Variants in CD320 observed in about 807,000 individuals in gnomAD.
The protein encoded by CD320 is CD320 molecule.
CD320 carries 16 observed loss-of-function variants against 22.1 expected under a neutral mutation model. The ratio of observed to expected loss-of-function variants is 0.73; its 90% CI spans 0.49 to 1.10. The LOEUF is 1.10. Among genes scored for constraint, CD320 ranks in the 50% least tolerant of loss-of-function variants. CD320 has a pLI of 0.00. For synonymous variants in CD320, 188 were observed against 167.8 expected (o/e 1.12, Z -0.93); for missense variants, 388 against 376.9 (o/e 1.03, Z -0.24).
chr19:8,307,613 G>A (rs887214488), intron 1 of CD320, among the ~76,000 whole-genome samples: 2 of 152,150 alleles, frequency 1.3e-5, no homozygotes, highest in African/African-American at 4.8e-5. Flanking sequence ...TATTCAACTT[G>A]TGACCCCAGT....
At chr19:8,303,515 C>G (rs373416437) in intron 3 of CD320, among the ~76,000 whole-genome samples, 1 of 152,030 alleles carries the variant, frequency 6.6e-6, no homozygotes, top group African/African-American at 2.4e-5. Flanking sequence ...CAGGTTCAAG[C>G]GGTTCTCCTG....
intron 2 of CD320, among the ~76,000 whole-genome samples, chr19:8,304,356 C>T (rs973749257): frequency 6.6e-6 from 1 of 152,098 alleles, no homozygotes; most frequent in Non-Finnish European, 1.5e-5. Flanking sequence ...TTTATTTTTT[C>T]TTTTGAGACG....
chr19:8,302,394 C>A lies in CD320; in HGVS notation c.*69G>T. On this transcript the variant is annotated 3_prime_UTR_variant, in exon 5 of 5. Transcript: ENST00000301458. ...AGGGCTGGTGTGCCCGGGTACCCAT[C>A]CGCATCACTGCTCTCCTCCTGTCCG... 1.1e-5 allele frequency: 17 copies of A among 1,597,794 alleles called. No individual in the cohort carries two copies. The highest frequency in any genetic ancestry group is 1.5e-5 in the Non-Finnish European group (17 of 1,166,632).
In CD320 at chr19:8,304,926, C is replaced by A. The variant is rs141961396; in HGVS notation, c.268+105G>T. ...CAGACCCAAGTCGCACCCATCCCTG[C>A]GGCCCTGCCTTTCCCACAAGCTCCA... On this transcript the variant is annotated intron_variant, in intron 2 of 4. Transcript: ENST00000301458. 21 of 1,372,942 alleles carry A rather than the reference C, an allele frequency of 1.5e-5. No individual in the cohort carries two copies. The East Asian group carries it at 4.9e-4, about 32-fold the overall frequency. The allele number at this position is 1,372,942 out of a possible 1,614,324, so 85.0% of individuals were successfully genotyped here.
Position 8,308,343 on chromosome 19 carries a change from C to T in CD320, c.-53G>A. ...CGCTGTCCAGACCGCTCTCTTATCC[C>T]TGCGCACGCGCACGCGCGGGGTTGG... On this transcript the variant is annotated 5_prime_UTR_variant, in exon 1 of 5. Coordinates refer to ENST00000301458, the MANE Select transcript of CD320 (RefSeq NM_016579.4). 6.4e-7 allele frequency: 1 copy of T among 1,562,580 alleles called. No homozygotes were observed. Among genetic ancestry groups the T allele is most frequent in the South Asian group, 1.2e-5 (1 of 86,520 alleles).
chr19:8,303,115 T>G, intron 3 of CD320, 135 bp from the exon 4 acceptor site: 2 of 106,246 alleles, frequency 1.9e-5, no homozygotes, highest in Admixed American at 1.3e-4. Context: ...TAATTATGTC[T>G]TTTTTTTTTT....
chr19:8,302,333 C>G lies in CD320; in HGVS notation c.*130G>C. ...GGCCACTTCTGCAGGAGCTCGGGTT[C>G]GAGGTTCCACGTGGCCAGAAGAGCT... On this transcript the variant is annotated 3_prime_UTR_variant, in exon 5 of 5. Transcript: ENST00000301458. 1 of 1,154,938 alleles carries G rather than the reference C, an allele frequency of 8.7e-7. No homozygotes were observed. The highest frequency in any genetic ancestry group is 1.3e-6 in the Non-Finnish European group (1 of 773,576). The allele number at this position is 1,154,938 out of a possible 1,614,324, so 71.5% of individuals were successfully genotyped here.
rs752406137 is a variant in CD320, at chr19:8,308,152, C to A, written c.139G>T (p.Ala47Ser). 4 of 1,529,934 alleles carry A rather than the reference C, an allele frequency of 2.6e-6. No individual in the cohort carries two copies. The South Asian group carries it at 4.9e-5, about 19-fold the overall frequency. 94.8% of individuals were successfully genotyped at this position (1,529,934 alleles called of 1,614,324 possible). ...CGCGCTGCGGGGCGTCACTCACCTG[C>A]GGCCTGGGCAGAGGTCGGGGTGGAA... ...PLSTPTSAQAAGPSSGSCPPT... is the reference protein window; with the variant it reads ...PLSTPTSAQASGPSSGSCPPT... Residue 47 changes from alanine (A) to serine (S), a missense_variant, in exon 1 of 5, where the codon GCA becomes TCA. Transcript: ENST00000301458.
chr19:8,304,847 G>GT, intron 2 of CD320, 184 bp downstream of exon 2: 1 of 618,754 alleles, frequency 1.6e-6, no homozygotes, highest in Non-Finnish European at 2.9e-6. Flanking sequence ...GATTGCAGGC[G>GT]TGAGCCACTG....
intron 2 of CD320, 115 bp downstream of exon 2, chr19:8,304,916 C>A: frequency 7.8e-7 from 1 of 1,281,332 alleles, no homozygotes; most frequent in South Asian, 1.2e-5. Flanking sequence ...CCAAGTCGCA[C>A]CCATCCCTGC....
At position 8,302,559 on chromosome 19, in the gene CD320, G is replaced by A; in HGVS notation, c.753C>T (p.Ser251=). 1 of 1,614,018 alleles carries A rather than the reference G, an allele frequency of 6.2e-7. No homozygotes were observed. The highest frequency in any genetic ancestry group is 1.1e-5 in the South Asian group (1 of 91,090). ...GGAGGCGCTCCTGGGCTCGGAGCCA[G>A]GACAAAAGGAGGAGGGTGGCGGTGA... is the stretch of plus-strand genomic sequence containing the variant. ...SLVTATLLLL[S]WLRAQERLRP... Residue 251 remains serine, a synonymous_variant, in exon 5 of 5, where the codon TCC becomes TCT. Coordinates refer to ENST00000301458, the MANE Select transcript of CD320 (RefSeq NM_016579.4).
intron 1 of CD320, 102 bp downstream of exon 1, chr19:8,308,046 TG>T: frequency 1.7e-6 from 2 of 1,181,356 alleles, no homozygotes; most frequent in Non-Finnish European, 2.3e-6. Context: ...GGGAGTGTCA[TG>T]AACTGACGTG....
rs1372525257 is a variant in CD320, at chr19:8,304,093, G to A, written c.269-5C>T. 6.7e-7 allele frequency: 1 copy of A among 1,483,408 alleles called. No individual in the cohort carries two copies. The highest frequency in any genetic ancestry group is 9.2e-7 in the Non-Finnish European group (1 of 1,084,658). The allele number at this position is 1,483,408 out of a possible 1,614,324, so 91.9% of individuals were successfully genotyped here. The stretch of plus-strand genomic sequence containing the variant: ...TCTGGGTACATGGCTCAATCCCTGG[G>A]GCACAGGGTTGGTCAGGTCCCAAAT... On this transcript the variant is annotated splice_polypyrimidine_tract_variant and splice_region_variant and intron_variant, in intron 2 of 4. Coordinates refer to ENST00000301458, the MANE Select transcript of CD320 (RefSeq NM_016579.4).
rs758108600 is a variant in CD320 at position 8,302,841 on chromosome 19, G to A, written c.642C>T (p.Ala214=). Residue 214 remains alanine, a synonymous_variant, in exon 4 of 5, where the codon GCC becomes GCT. Transcript: ENST00000301458. ...ACTGGTCTCCGGCAGAGGAGGATGT[G>A]GCATTCCCGACAGAGGGGACACTCT... is the stretch of plus-strand genomic sequence containing the variant. ...TLESVPSVGN[A]TSSSAGDQSG... The A allele has an allele frequency of 6.2e-7, 1 of 1,614,138 alleles. No individual in the cohort carries two copies. The highest frequency in any genetic ancestry group is 1.7e-5 in the Admixed American group (1 of 60,012).
intron 3 of CD320, 150 bp from the exon 4 acceptor site, chr19:8,303,130 T>G: frequency 1.5e-6 from 1 of 682,164 alleles, no homozygotes; most frequent in East Asian, 2.7e-5. Flanking sequence ...TTTTTTTTTT[T>G]TTTGGAGAGG....
Position 8,302,415 on chromosome 19 carries a change from G to A in CD320, c.*48C>T, listed in dbSNP as rs200550341. The A allele has an allele frequency of 2.9e-5, 46 of 1,612,982 alleles. No homozygotes were observed. Among genetic ancestry groups the A allele is most frequent in the Non-Finnish European group, 3.8e-5 (45 of 1,179,442 alleles). ...CCATCCGCATCACTGCTCTCCTCCTGTCCGGCTACGCCCAGGGCTGAGTGA... is the reference window on the plus strand; with the variant it reads ...CCATCCGCATCACTGCTCTCCTCCTATCCGGCTACGCCCAGGGCTGAGTGA... On this transcript the variant is annotated 3_prime_UTR_variant, in exon 5 of 5. Coordinates refer to ENST00000301458, the MANE Select transcript of CD320 (RefSeq NM_016579.4).
In CD320 at chr19:8,303,983, C is replaced by T. The variant is rs375310833; in HGVS notation, c.374G>A (p.Arg125His). 217 of 1,576,242 alleles carry T rather than the reference C, an allele frequency of 1.4e-4. No individual in the cohort carries two copies. Among genetic ancestry groups the T allele is most frequent in the Admixed American group, 5.2e-4 (28 of 53,868 alleles). ...TAGGCAGGCCAGGCGGCTGCAGTTG[C>T]GCAGTTTCTTGTCAGTTCCCCCAGA... ...DCSGGTDKKLRNCSRLACLAG... is the reference protein window; with the variant it reads ...DCSGGTDKKLHNCSRLACLAG... Residue 125 changes from arginine (R) to histidine (H), a missense_variant, in exon 3 of 5, where the codon CGC (arginine) becomes CAC (histidine). Arg to His is a conservative substitution (Grantham distance 29, BLOSUM62 0). Coordinates refer to ENST00000301458, the MANE Select transcript of CD320 (RefSeq NM_016579.4).
At position 8,308,297 on chromosome 19, in the gene CD320, C is replaced by T. The variant is rs1251225176; in HGVS notation, c.-7G>A. On this transcript the variant is annotated 5_prime_UTR_variant, in exon 1 of 5. Coordinates refer to ENST00000301458, the MANE Select transcript of CD320 (RefSeq NM_016579.4). ...CCATCCAACCGCCGCTCATGCTGTC[C>T]CCACAGCGGCGCCGGCCACGCGCTG... 6.3e-7 allele frequency: 1 copy of T among 1,586,168 alleles called. No individual in the cohort carries two copies. Among genetic ancestry groups the T allele is most frequent in the South Asian group, 1.1e-5 (1 of 88,842 alleles).
rs866153489 is a variant in CD320 at position 8,304,014 on chromosome 19, C to A, written c.343G>T (p.Asp115Tyr). ...TTCTTGTCAGTTCCCCCAGAGCAGTCACTGACGCCGGTGCAGGGGCAGGGG... is the reference window on the plus strand; with the variant it reads ...TTCTTGTCAGTTCCCCCAGAGCAGTAACTGACGCCGGTGCAGGGGCAGGGG... The part of the protein sequence containing the change: ...GLPCPCTGVS[D>Y]CSGGTDKKLR... Residue 115 changes from aspartate to tyrosine, a missense_variant, in exon 3 of 5, where the codon GAC becomes TAC. Coordinates refer to ENST00000301458, the MANE Select transcript of CD320 (RefSeq NM_016579.4). 6.4e-7 allele frequency: 1 copy of A among 1,567,364 alleles called. No individual in the cohort carries two copies. The highest frequency in any genetic ancestry group is 8.7e-7 in the Non-Finnish European group (1 of 1,155,816).
Sources: allele counts gnomAD v4.1 joint callset (sites outside exome capture counted in the v4.1 genomes callset), GRCh38; gene constraint gnomAD v4.1.1; transcripts MANE v1.5; gene names NCBI Gene and HGNC (gene_info 2026-07-23, HGNC 2026-07-21).